PUM1: variants seen among roughly 807,000 people sequenced by gnomAD.
The protein encoded by PUM1 is pumilio homolog 1.
Under a neutral mutation model 131.8 loss-of-function variants are expected in PUM1, and 13 were observed. The observed-to-expected ratio is 0.10, with a 90% CI of 0.06 to 0.16. The LOEUF is 0.16. PUM1 is among the 10% of genes least tolerant of loss of function. The probability of loss-of-function intolerance (pLI) is 1.00; values close to 1 mark genes in which losing one functional copy is unlikely to be tolerated. For missense variants in PUM1, 961 were observed against 1,512.4 expected (o/e 0.64, Z 6.05); for synonymous variants, 509 against 556.5 (o/e 0.91, Z 1.20).
At chr1:30,952,689 G>GGGC (rs1639992476) in intron 15 of PUM1, among the ~76,000 whole-genome samples, 1 of 66,184 alleles carries the variant, frequency 1.5e-5, no homozygotes, top group Admixed American at 1.8e-4. Context: ...GGGGCGGGGG[G>GGGC]GGGGCGGGAG....
intron 11 of PUM1, 104 bp downstream of exon 11, chr1:30,968,250 C>A: frequency 1.3e-6 from 2 of 1,511,182 alleles, no homozygotes; most frequent in Non-Finnish European, 1.8e-6. Flanking sequence ...CAAATCATGA[C>A]AAGCCTAAGC....
intron 8 of PUM1, 112 bp downstream of exon 8, chr1:30,981,200 G>A (rs1641342710): frequency 1.7e-6 from 1 of 597,658 alleles, no homozygotes; most frequent in South Asian, 3.2e-5. Context: ...TCTGTCTGAG[G>A]GATTTGTCTG....
chr1:31,005,912 T>C lies in PUM1; in HGVS notation c.661A>G (p.Met221Val). The C allele has an allele frequency of 6.2e-7, 1 of 1,613,648 alleles. No individual in the cohort carries two copies. The highest frequency in any genetic ancestry group is 8.5e-7 in the Non-Finnish European group (1 of 1,179,868). Residue 221 changes from methionine to valine, a missense_variant, in exon 5 of 22, where the codon ATG becomes GTG. This residue lies in a region of PUM1 where 654 missense variants were observed against 923.9 expected (regional missense o/e 0.71). Transcript: ENST00000426105. ...RSESGGLGVS[M>V]VEYVLSSSPG... ...GATGAGCTCAACACATACTCCACCA[T>C]GCTAACGCCTAGTCCCCCACTCTCC...
At chr1:31,058,199 CTGA>C (rs2124001334) in intron 2 of PUM1, among the ~76,000 whole-genome samples, 1 of 152,296 alleles carries the variant, frequency 6.6e-6, no homozygotes, top group African/African-American at 2.4e-5. Context: ...ACTTGAGCAG[CTGA>C]TGTTATCAAC....
chr1:30,942,895 G>A (rs1303996658), intron 18 of PUM1, among the ~76,000 whole-genome samples: 1 of 152,076 alleles, frequency 6.6e-6, no homozygotes, highest in African/African-American at 2.4e-5. Flanking sequence ...GGGACTACAG[G>A]CACTTGCCAC....
chr1:31,039,796 G>A (rs1643761731), intron 2 of PUM1, among the ~76,000 whole-genome samples: 1 of 152,062 alleles, frequency 6.6e-6, no homozygotes, highest in Non-Finnish European at 1.5e-5. Context: ...CTACCTGGGA[G>A]GCTGTGGCAG....
At chr1:31,053,259 CA>C (rs1221411262) in intron 2 of PUM1, among the ~76,000 whole-genome samples, 1 of 148,526 alleles carries the variant, frequency 6.7e-6, no homozygotes, top group Non-Finnish European at 1.5e-5. Flanking sequence ...CTCAGCCTCC[CA>C]AAGTGCTGGG....
chr1:31,013,283 TATTTG>T (rs1438125553), intron 3 of PUM1, among the ~76,000 whole-genome samples: 1 of 152,160 alleles, frequency 6.6e-6, no homozygotes, highest in African/African-American at 2.4e-5. Context: ...CCGCCACTAA[TATTTG>T]AATAGGGATT....
At chr1:30,992,251 T>C in intron 7 of PUM1, 139 bp downstream of exon 7, 1 of 1,149,344 alleles carries the variant, frequency 8.7e-7, no homozygotes, top group Non-Finnish European at 1.2e-6. Context: ...TAAACCTACA[T>C]CACTAACAGG....
At chr1:30,939,498 G>A (rs984586329) in intron 20 of PUM1, among the ~76,000 whole-genome samples, 3 of 152,194 alleles carry the variant, frequency 2.0e-5, no homozygotes, top group African/African-American at 7.2e-5. Context: ...AAAAGACTGG[G>A]AAGTGACCAC....
rs1225606049 is a variant in PUM1 at position 31,007,055 on chromosome 1, T to C, written c.480A>G (p.Lys160=). 1 of 1,613,966 alleles carries C rather than the reference T, an allele frequency of 6.2e-7. No individual in the cohort carries two copies. The highest frequency in any genetic ancestry group is 8.5e-7 in the Non-Finnish European group (1 of 1,179,952). ...CCAGGAATATTCCTTTTGGTCCATC[T>C]TTGCTGGATTCATCTGTTTCCCAAA... ...KKFWETDESS[K]DGPKGIFLGD... The change falls in exon 4 of 22, where the codon AAA becomes AAG. Residue 160 remains lysine (K), a synonymous_variant. Transcript: ENST00000426105.
chr1:30,950,920 A>C (rs898246462), intron 16 of PUM1, among the ~76,000 whole-genome samples: 2 of 152,256 alleles, frequency 1.3e-5, no homozygotes, highest in African/African-American at 4.8e-5. Flanking sequence ...GTTTTGAAAT[A>C]GTATTCTACA....
intron 2 of PUM1, among the ~76,000 whole-genome samples, chr1:31,033,376 CTTTTTTTTT>C (rs748444500): frequency 2.9e-5 from 3 of 102,554 alleles, no homozygotes; most frequent in East Asian, 5.0e-4. Context: ...AGCTAATTTT[CTTTTTTTTT>C]TTTTTTTTTT....
At chr1:31,038,978 ATATATAT>A (rs1423753508) in intron 2 of PUM1, among the ~76,000 whole-genome samples, 4 of 30,040 alleles carry the variant, frequency 1.3e-4, no homozygotes, top group South Asian at 1.3e-3. Flanking sequence ...ATATATATAT[ATATATAT>A]TTTTTTTTTT....
intron 7 of PUM1, chr1:30,981,996 A>G (rs1215394350): frequency 6.6e-6 from 1 of 152,186 alleles, no homozygotes; most frequent in East Asian, 1.9e-4. Flanking sequence ...ATGGTATTGA[A>G]TAACTTCCTC....
chr1:30,983,803 A>G (rs965333996), intron 7 of PUM1, among the ~76,000 whole-genome samples: 1 of 144,222 alleles, frequency 6.9e-6, no homozygotes, highest in Non-Finnish European at 1.5e-5. Context: ...GATGAAGTCT[A>G]CGTTGCTCAG....
intron 7 of PUM1, among the ~76,000 whole-genome samples, chr1:30,990,091 T>C (rs539709877): frequency 6.6e-6 from 1 of 152,350 alleles, no homozygotes; most frequent in South Asian, 2.1e-4. Flanking sequence ...AACACGGTAG[T>C]TCTCAAAGAG....
intron 1 of PUM1, among the ~76,000 whole-genome samples, chr1:31,064,777 GGGGC>G (rs1644446540): frequency 1.4e-5 from 1 of 72,684 alleles, no homozygotes; most frequent in Non-Finnish European, 3.0e-5. Flanking sequence ...GGGGGGGGGG[GGGGC>G]TATAGGAGGG....
rs184634776 is a variant in PUM1, at chr1:30,931,787, T to A, written c.*1424A>T. On this transcript the variant is annotated 3_prime_UTR_variant, in exon 22 of 22. Transcript: ENST00000426105. ...GACAAAATGCAAAATACAGTTCATC[T>A]TCTGTACAAAAGGGAAGGGCGATTC... is the stretch of plus-strand genomic sequence containing the variant. 2 of 152,644 alleles carry A rather than the reference T, an allele frequency of 1.3e-5. No homozygotes were observed. Among genetic ancestry groups the A allele is most frequent in the Non-Finnish European group, 2.9e-5 (2 of 68,034 alleles). 9.5% of individuals were successfully genotyped at this position (152,644 alleles called of 1,614,324 possible). A position where few individuals can be genotyped will look rare whatever the true frequency, so the allele number is the denominator to read the frequency against.
Sources: allele counts gnomAD v4.1 joint callset (sites outside exome capture counted in the v4.1 genomes callset), GRCh38; gene constraint gnomAD v4.1.1; regional missense constraint gnomAD v4.1.1; transcripts MANE v1.5; gene names NCBI Gene and HGNC (gene_info 2026-07-23, HGNC 2026-07-21).